The following LRFN2 variants were observed in gnomAD, a reference collection of about 807,000 sequenced individuals.
The protein encoded by LRFN2 is leucine-rich repeat and fibronectin type-III domain-containing protein 2.
In LRFN2, 18 loss-of-function variants were observed where a neutral mutation model predicts 37.3. The observed-to-expected ratio is 0.48, with a 90% CI of 0.33 to 0.72. The LOEUF is 0.72. LRFN2 is among the 30% of genes least tolerant of loss of function. LRFN2 has a pLI of 0.02. For missense variants in LRFN2, 1,006 were observed against 1,060.7 expected (o/e 0.95, Z 0.72); for synonymous variants, 556 against 466.6 (o/e 1.19, Z -2.47).
At chr6:40,424,440 A>C (rs941513775) in intron 2 of LRFN2, among the ~76,000 whole-genome samples, 21 of 152,216 alleles carry the variant, frequency 1.4e-4, no homozygotes, top group Non-Finnish European at 7.3e-5. Context: ...TGGATGTAGA[A>C]GACTACATTT....
Position 40,565,141 on chromosome 6 carries a change from C to A in LRFN2, c.-19+21800G>T, listed in dbSNP as rs1272530289. Among the ~76,000 whole-genome samples, 5 of 152,268 alleles carry A rather than the reference C, an allele frequency of 3.3e-5. No individual in the cohort carries two copies. In the East Asian group the frequency reaches 7.7e-4, roughly 23 times the overall value. ...CTAGCAGAGGACGTAGATCCCAAATCATTATAGAAATCGCTAACATTAATC... is the reference window on the plus strand; with the variant it reads ...CTAGCAGAGGACGTAGATCCCAAATAATTATAGAAATCGCTAACATTAATC... On this transcript the variant is annotated intron_variant, in intron 1 of 2. Coordinates refer to ENST00000338305, the MANE Select transcript of LRFN2 (RefSeq NM_020737.3).
At chr6:40,438,199 C>T (rs1055716982) in intron 1 of LRFN2, among the ~76,000 whole-genome samples, 2 of 151,888 alleles carry the variant, frequency 1.3e-5, no homozygotes, top group Non-Finnish European at 2.9e-5. Context: ...AAGTAAAACA[C>T]TCCCCAAACC....
intron 1 of LRFN2, among the ~76,000 whole-genome samples, chr6:40,494,403 A>G (rs1765172577): frequency 6.6e-6 from 1 of 152,138 alleles, no homozygotes; most frequent in Non-Finnish European, 1.5e-5. Flanking sequence ...TCTTTCTTCT[A>G]TTTAAGCTGC....
intron 1 of LRFN2, 98 bp from the exon 2 acceptor site, chr6:40,433,229 G>A: frequency 9.6e-7 from 1 of 1,038,020 alleles, no homozygotes; most frequent in Non-Finnish European, 1.3e-6. Flanking sequence ...GCCTTAGGGA[G>A]TGGCATAGAA....
Position 40,431,790 on chromosome 6 carries a change from C to T in LRFN2, c.1324G>A (p.Val442Ile). 1 of 1,538,022 alleles carries T rather than the reference C, an allele frequency of 6.5e-7. No homozygotes were observed. Among genetic ancestry groups the T allele is most frequent in the Admixed American group, 2.0e-5 (1 of 50,082 alleles). The change falls in exon 2 of 3, where the codon GTC becomes ATC. Residue 442 changes from valine to isoleucine, a missense_variant. This residue lies in a region of LRFN2 where 120 missense variants were observed against 178.4 expected (regional missense o/e 0.67). Transcript: ENST00000338305. Reference sequence around the variant, plus strand: ...TTCACCCGGGGTGCTGACTTGCTGACAGACCACTTGACCAGGGCCGAGGTG... The same window carrying T: ...TTCACCCGGGGTGCTGACTTGCTGATAGACCACTTGACCAGGGCCGAGGTG... Reference protein sequence around the residue: ...TTTSALVKWSVSKSAPRVKMY... With the variant: ...TTTSALVKWSISKSAPRVKMY...
chr6:40,408,795 A>G (rs1022026299), intron 2 of LRFN2, among the ~76,000 whole-genome samples: 2 of 152,258 alleles, frequency 1.3e-5, no homozygotes, highest in Non-Finnish European at 2.9e-5. Context: ...TTTCAATGCC[A>G]ATGGTGAAGT....
chr6:40,459,262 G>A (rs1197723947), intron 1 of LRFN2, among the ~76,000 whole-genome samples: 1 of 152,074 alleles, frequency 6.6e-6, no homozygotes, highest in Non-Finnish European at 1.5e-5. Flanking sequence ...CTTTACCTTG[G>A]CCACCACATT....
At chr6:40,401,749 A>G (rs1015513359) in intron 2 of LRFN2, among the ~76,000 whole-genome samples, 1 of 152,106 alleles carries the variant, frequency 6.6e-6, no homozygotes, top group African/African-American at 2.4e-5. Context: ...GGAGTTGTCA[A>G]CAAATACCAC....
At chr6:40,557,274 C>T (rs187553535) in intron 1 of LRFN2, among the ~76,000 whole-genome samples, 99 of 152,296 alleles carry the variant, frequency 6.5e-4, no homozygotes, top group African/African-American at 2.3e-3. Flanking sequence ...AAGGCACCGA[C>T]ATCTGACCAG....
intron 2 of LRFN2, among the ~76,000 whole-genome samples, chr6:40,395,289 C>T (rs571902794): frequency 4.6e-5 from 7 of 152,340 alleles, no homozygotes; most frequent in Non-Finnish European, 8.8e-5. Flanking sequence ...CAGTTGAGAC[C>T]TTTAACACTA....
intron 1 of LRFN2, among the ~76,000 whole-genome samples, chr6:40,486,804 G>T (rs535073621): frequency 1.3e-5 from 2 of 152,296 alleles, no homozygotes; most frequent in East Asian, 1.9e-4. Context: ...GATGAGATTT[G>T]GTGTGGGCAA....
chr6:40,566,750 G>C (rs552336791), intron 1 of LRFN2, among the ~76,000 whole-genome samples: 17 of 151,494 alleles, frequency 1.1e-4, no homozygotes, highest in African/African-American at 4.1e-4. Flanking sequence ...GGGGGGAGAG[G>C]GGAGGAATAG....
At chr6:40,399,245 C>G (rs1250664409) in intron 2 of LRFN2, among the ~76,000 whole-genome samples, 1 of 151,546 alleles carries the variant, frequency 6.6e-6, no homozygotes, top group Non-Finnish European at 1.5e-5. Context: ...TCCTTCCAGC[C>G]TTGGATGGGG....
At chr6:40,413,959 G>C (rs1448962636) in intron 2 of LRFN2, among the ~76,000 whole-genome samples, 1 of 152,166 alleles carries the variant, frequency 6.6e-6, no homozygotes, top group Non-Finnish European at 1.5e-5. Context: ...AGGGGACAGG[G>C]TTGAAGGAAA....
intron 1 of LRFN2, among the ~76,000 whole-genome samples, chr6:40,463,072 C>T (rs1448706840): frequency 6.6e-6 from 1 of 152,164 alleles, no homozygotes; most frequent in Non-Finnish European, 1.5e-5. Flanking sequence ...GTGAATGTGA[C>T]AGATGGAGCT....
intron 1 of LRFN2, among the ~76,000 whole-genome samples, chr6:40,563,061 A>T (rs10947897): frequency 6.6e-6 from 1 of 151,850 alleles, no homozygotes; most frequent in Non-Finnish European, 1.5e-5. Flanking sequence ...CTGACTGCCC[A>T]TTAGCTGGTT....
chr6:40,475,448 C>T (rs536965517), intron 1 of LRFN2, among the ~76,000 whole-genome samples: 6 of 152,186 alleles, frequency 3.9e-5, no homozygotes, highest in African/African-American at 9.6e-5. Flanking sequence ...GAGGGCAAAA[C>T]GAGGTCCCAG....
At chr6:40,538,489 A>G (rs1766493277) in intron 1 of LRFN2, among the ~76,000 whole-genome samples, 1 of 152,252 alleles carries the variant, frequency 6.6e-6, no homozygotes, top group South Asian at 2.1e-4. Flanking sequence ...CTGGCTTAAG[A>G]AGAGAAATCC....
intron 1 of LRFN2, among the ~76,000 whole-genome samples, chr6:40,443,931 G>A (rs1035484765): frequency 1.3e-5 from 2 of 152,158 alleles, no homozygotes; most frequent in African/African-American, 4.8e-5. Context: ...GGAGGATGTA[G>A]CCCTAAGTAC....
Sources: allele counts gnomAD v4.1 joint callset (sites outside exome capture counted in the v4.1 genomes callset), GRCh38; gene constraint gnomAD v4.1.1; regional missense constraint gnomAD v4.1.1; transcripts MANE v1.5; gene names NCBI Gene and HGNC (gene_info 2026-07-23, HGNC 2026-07-21).